MMS22L: variants seen among roughly 807,000 people sequenced by gnomAD.
MMS22L encodes MMS22 like, DNA repair protein.
MMS22L carries 74 observed loss-of-function variants against 159.1 expected under a neutral mutation model. The observed-to-expected ratio is 0.47, with a 90% CI of 0.39 to 0.56. The LOEUF is 0.56. MMS22L is among the 20% of genes least tolerant of loss of function. MMS22L has a pLI of 0.00. For synonymous variants in MMS22L, 517 were observed against 506.9 expected, an observed-to-expected ratio of 1.02 and a Z score of -0.27; for missense variants, 1,351 against 1,422.1, an observed-to-expected ratio of 0.95 and a Z score of 0.80.
chr6:97,197,193 G>A (rs2128295149), intron 14 of MMS22L, among the ~76,000 whole-genome samples: 1 of 152,284 alleles, frequency 6.6e-6, no homozygotes, highest in South Asian at 2.1e-4. Flanking sequence ...ATAACTATAA[G>A]GAACTACAGA....
chr6:97,213,218 C>G (rs1434229109), intron 14 of MMS22L, among the ~76,000 whole-genome samples: 1 of 152,058 alleles, frequency 6.6e-6, no homozygotes. Flanking sequence ...ACCAGCCTGA[C>G]CAACATGGAA....
Position 97,179,517 on chromosome 6 carries a change from A to G in MMS22L, c.2427T>C (p.Phe809=), listed in dbSNP as rs949955880. ...TCCATGATCTTACGGTTAAGGCTTGAAAAGATACATAGCCTGAATGAGAAA... is the reference window on the plus strand; with the variant it reads ...TCCATGATCTTACGGTTAAGGCTTGGAAAGATACATAGCCTGAATGAGAAA... ...EALSHSGYVS[F]QALTVRSWIR... Residue 809 remains phenylalanine, a synonymous_variant, in exon 17 of 25, where the codon TTT becomes TTC. Coordinates refer to ENST00000683635, the MANE Select transcript of MMS22L (RefSeq NM_001350599.2). The G allele has an allele frequency of 4.3e-6, 7 of 1,613,342 alleles. No individual in the cohort carries two copies. Among genetic ancestry groups the G allele is most frequent in the Non-Finnish European group, 5.9e-6 (7 of 1,179,604 alleles).
In MMS22L at chr6:97,146,054, A is replaced by ACTCTCCTCTTAAAGTCTCCTTTATT. The variant is rs1327228658; in HGVS notation, c.*727_*751dup. ...TTACTTTTCTAGAATATTTTTATTT[A>ACTCTCCTCTTAAAGTCTCCTTTATT]CTCTCCTCTTAAAGTCTCCTTTATT... On this transcript the variant is annotated 3_prime_UTR_variant, in exon 25 of 25. Transcript: ENST00000683635. 38 of 151,182 alleles carry ACTCTCCTCTTAAAGTCTCCTTTATT rather than the reference A, an allele frequency of 2.5e-4. No homozygotes were observed. Among genetic ancestry groups the ACTCTCCTCTTAAAGTCTCCTTTATT allele is most frequent in the Non-Finnish European group, 4.9e-4 (33 of 67,750 alleles). The allele number at this position is 151,182 out of a possible 1,614,324, so 9.4% of individuals were successfully genotyped here.
chr6:97,173,452 C>G (rs1198368994), intron 18 of MMS22L, among the ~76,000 whole-genome samples: 1 of 151,972 alleles, frequency 6.6e-6, no homozygotes, highest in African/African-American at 2.4e-5. Context: ...ATCTTAAAAA[C>G]TCACCAATAA....
At chr6:97,153,663 G>A in intron 22 of MMS22L, among the ~76,000 whole-genome samples, 1 of 152,062 alleles carries the variant, frequency 6.6e-6, no homozygotes, top group East Asian at 1.9e-4. Context: ...AAGCCACCAT[G>A]CCTAGACCTG....
rs1187768717 is a variant in MMS22L at position 97,144,122 on chromosome 6, AAAAAAAG to A, written c.*2677_*2683del. ...AACAACAACAAAAAAAAAAAAAAAA[AAAAAAAG>A]AGAGAGAAAAGCTGGAGTTATCAGT... On this transcript the variant is annotated 3_prime_UTR_variant, in exon 25 of 25. Transcript: ENST00000683635. 1.7e-4 allele frequency: 25 copies of A among 146,150 alleles called. No homozygotes were observed. Among genetic ancestry groups the A allele is most frequent in the Non-Finnish European group, 2.2e-4 (15 of 67,810 alleles). The allele number at this position is 146,150 out of a possible 1,614,324, so 9.1% of individuals were successfully genotyped here.
rs180974479 is a variant in MMS22L at position 97,142,317 on chromosome 6, A to G, written c.*4489T>C. 1 of 152,592 alleles carries G rather than the reference A, an allele frequency of 6.6e-6. No individual in the cohort carries two copies. The highest frequency in any genetic ancestry group is 2.4e-5 in the African/African-American group (1 of 41,580). 9.5% of individuals were successfully genotyped at this position (152,592 alleles called of 1,614,324 possible). On this transcript the variant is annotated 3_prime_UTR_variant, in exon 25 of 25. Coordinates refer to ENST00000683635, the MANE Select transcript of MMS22L (RefSeq NM_001350599.2). The stretch of plus-strand genomic sequence containing the variant: ...AGCCATTGGCACATCAAAAATTTTA[A>G]TAAGTATAAACTGGTCAATTCCAAC...
At chr6:97,194,653 A>G (rs1806284920) in intron 14 of MMS22L, among the ~76,000 whole-genome samples, 1 of 152,204 alleles carries the variant, frequency 6.6e-6, no homozygotes, top group African/African-American at 2.4e-5. Context: ...AAGATCATAC[A>G]TAATCCTGTC....
At chr6:97,259,252 T>C (rs188860190) in intron 9 of MMS22L, 3 of 152,370 alleles carry the variant, frequency 2.0e-5, no homozygotes, top group South Asian at 2.1e-4. Flanking sequence ...CCTCATTCTA[T>C]TGTACAACTA....
intron 7 of MMS22L, among the ~76,000 whole-genome samples, chr6:97,268,382 G>T (rs1815368320): frequency 6.6e-6 from 1 of 151,880 alleles, no homozygotes; most frequent in South Asian, 2.1e-4. Flanking sequence ...TAGAGACGGG[G>T]TTTCACCGTG....
chr6:97,177,218 C>G (rs1383193847), intron 18 of MMS22L, among the ~76,000 whole-genome samples: 1 of 152,068 alleles, frequency 6.6e-6, no homozygotes, highest in African/African-American at 2.4e-5. Context: ...TACTTAAAAA[C>G]TTACAAAGCC....
intron 10 of MMS22L, among the ~76,000 whole-genome samples, chr6:97,252,326 CAAG>C (rs1055896853): frequency 5.3e-5 from 8 of 151,732 alleles, no homozygotes; most frequent in African/African-American, 1.9e-4. Context: ...TTCCTTGAAG[CAAG>C]AAGTAGTACA....
intron 14 of MMS22L, among the ~76,000 whole-genome samples, chr6:97,214,646 C>A (rs1808769711): frequency 6.8e-6 from 1 of 146,250 alleles, no homozygotes; most frequent in African/African-American, 2.5e-5. Context: ...TAAAATGAAA[C>A]AAAGAGATCT....
chr6:97,257,412 T>C (rs575123095), intron 9 of MMS22L, among the ~76,000 whole-genome samples: 3 of 152,316 alleles, frequency 2.0e-5, no homozygotes, highest in African/African-American at 7.2e-5. Flanking sequence ...TTGATATTTT[T>C]AGAGTATACC....
At chr6:97,190,953 C>G (rs1158416128) in intron 14 of MMS22L, among the ~76,000 whole-genome samples, 2 of 152,134 alleles carry the variant, frequency 1.3e-5, no homozygotes, top group Non-Finnish European at 2.9e-5. Flanking sequence ...TCCAGGTGTT[C>G]CTACGCTTCT....
chr6:97,257,661 A>T (rs918479300), intron 9 of MMS22L, among the ~76,000 whole-genome samples: 1 of 152,078 alleles, frequency 6.6e-6, no homozygotes. Context: ...TCCTGGGCTC[A>T]AGCAATCCTC....
chr6:97,164,354 T>C (rs534331421), intron 21 of MMS22L, among the ~76,000 whole-genome samples: 5 of 151,554 alleles, frequency 3.3e-5, no homozygotes, highest in African/African-American at 7.3e-5. Context: ...AAGAATAACA[T>C]ACATCACCAT....
chr6:97,214,543 TA>T (rs937311019), intron 14 of MMS22L, among the ~76,000 whole-genome samples: 2 of 152,158 alleles, frequency 1.3e-5, no homozygotes, highest in African/African-American at 4.8e-5. Flanking sequence ...AATAACTTTT[TA>T]AAAAATCCAT....
At chr6:97,218,554 T>C (rs1809276895) in intron 14 of MMS22L, among the ~76,000 whole-genome samples, 1 of 152,166 alleles carries the variant, frequency 6.6e-6, no homozygotes, top group Non-Finnish European at 1.5e-5. Context: ...ACTATCATAG[T>C]AGGCATTCAA....
Sources: allele counts gnomAD v4.1 joint callset (sites outside exome capture counted in the v4.1 genomes callset), GRCh38; gene constraint gnomAD v4.1.1; transcripts MANE v1.5; gene names NCBI Gene and HGNC (gene_info 2026-07-23, HGNC 2026-07-21).